The following TBC1D1 variants were observed in gnomAD, a reference collection of about 807,000 sequenced individuals.
TBC1D1 encodes TBC1 (tre-2/USP6, BUB2, cdc16) domain family, member 1.
In TBC1D1, 89 loss-of-function variants were observed where a neutral mutation model predicts 125.6. That is an observed-to-expected ratio of 0.71 (90% confidence interval 0.60 to 0.85). TBC1D1 has a LOEUF of 0.85. Among genes scored for constraint, TBC1D1 ranks in the 40% least tolerant of loss-of-function variants. TBC1D1 has a pLI of 0.00. For synonymous variants in TBC1D1, 565 were observed against 564.1 expected, an observed-to-expected ratio of 1.00 and a Z score of -0.02; for missense variants, 1,377 against 1,469.2, an observed-to-expected ratio of 0.94 and a Z score of 1.03.
intron 6 of TBC1D1, 138 bp from the exon 7 acceptor site, chr4:38,027,650 A>T: frequency 2.0e-6 from 1 of 511,866 alleles, no homozygotes. Flanking sequence ...AAAAAAATAA[A>T]ATATTTTTTT....
intron 15 of TBC1D1, 149 bp from the exon 18 acceptor site, chr4:38,115,561 G>GT (rs1342514251): frequency 6.8e-6 from 5 of 731,490 alleles, no homozygotes; most frequent in Non-Finnish European, 1.1e-5. Flanking sequence ...GGTGGACTTC[G>GT]TTTGCAGAGG....
Position 38,018,332 on chromosome 4 carries a change from ATTTT to A in TBC1D1, c.883-18_883-15del. 1 of 1,573,178 alleles carries A rather than the reference ATTTT, an allele frequency of 6.4e-7. No individual in the cohort carries two copies. The highest frequency in any genetic ancestry group is 8.7e-7 in the Non-Finnish European group (1 of 1,147,878). ...GAAATGAGAAAGTTTGAAAAGCTAG[ATTTT>A]TTTGTTTGTCTTTTAAGATTGGCCA... On this transcript the variant is annotated intron_variant, in intron 3 of 19. Coordinates refer to ENST00000261439, the MANE Select transcript of TBC1D1 (RefSeq NM_015173.4).
At chr4:38,093,240 A>G (rs1758725354) in intron 13 of TBC1D1, among the ~76,000 whole-genome samples, 1 of 152,168 alleles carries the variant, frequency 6.6e-6, no homozygotes, top group African/African-American at 2.4e-5. Context: ...TCTTTGGGAA[A>G]GAATTTAGAA....
At chr4:38,124,010 AT>A (rs1168886700) in intron 17 of TBC1D1, among the ~76,000 whole-genome samples, 1 of 152,194 alleles carries the variant, frequency 6.6e-6, no homozygotes, top group African/African-American at 2.4e-5. Flanking sequence ...ATTTGATGAA[AT>A]TTACAGCTTC....
rs187646995 is a variant in TBC1D1, at chr4:38,046,654, G to C, written c.1629+751G>C. 7.0e-3 allele frequency among the ~76,000 whole-genome samples: 1,071 copies of C among 152,132 alleles called. 8 individuals carry two copies. Among genetic ancestry groups the C allele is most frequent in the Non-Finnish European group, 7.9e-3 (534 of 67,994 alleles). On this transcript the variant is annotated intron_variant, in intron 10 of 19. Transcript: ENST00000261439. ...CCCCTTTCATTCTCCCCCACTTGTG[G>C]GGAAATTAAATTTCTGAAACTTTAT...
At chr4:38,119,989 A>C (rs79205210) in intron 17 of TBC1D1, 1 of 985,314 alleles carries the variant, frequency 1.0e-6, no homozygotes, top group African/African-American at 1.7e-5. Context: ...ATGGGTAAAA[A>C]GACGTTAACA....
At chr4:38,058,883 A>C (rs1337587433) in intron 12 of TBC1D1, among the ~76,000 whole-genome samples, 1 of 152,190 alleles carries the variant, frequency 6.6e-6, no homozygotes, top group East Asian at 1.9e-4. Context: ...AAGGGTGTTA[A>C]GTGAGTAAGG....
chr4:38,095,623 A>G (rs1041401666), intron 13 of TBC1D1, among the ~76,000 whole-genome samples: 3 of 152,148 alleles, frequency 2.0e-5, no homozygotes, highest in Admixed American at 6.5e-5. Context: ...TGTCCTGGGG[A>G]GGCTCATAGT....
At chr4:38,095,099 C>T (rs989053860) in intron 13 of TBC1D1, among the ~76,000 whole-genome samples, 30 of 151,870 alleles carry the variant, frequency 2.0e-4, no homozygotes, top group African/African-American at 6.5e-4. Flanking sequence ...CAACAGAGTA[C>T]GAGGGAAAAG....
At chr4:37,993,594 A>T (rs6858632) in intron 2 of TBC1D1, among the ~76,000 whole-genome samples, 49,843 of 132,446 alleles carry the variant, frequency 0.38, 9,167 homozygotes, top group African/African-American at 0.51. Context: ...TTATTTATTT[A>T]TTTTTGAGAT....
At chr4:38,112,844 G>C (rs1762418036) in intron 15 of TBC1D1, among the ~76,000 whole-genome samples, 1 of 152,230 alleles carries the variant, frequency 6.6e-6, no homozygotes, top group Non-Finnish European at 1.5e-5. Context: ...TGACCTGACT[G>C]TGGATGGCCT....
At chr4:38,135,892 A>G (rs543183455) in intron 19 of TBC1D1, among the ~76,000 whole-genome samples, 20 of 148,888 alleles carry the variant, frequency 1.3e-4, no homozygotes, top group African/African-American at 4.3e-4. Context: ...GTGTGTATAT[A>G]TGTGTGTGTG....
chr4:37,974,660 T>C (rs1474277919), intron 2 of TBC1D1, among the ~76,000 whole-genome samples: 1 of 152,166 alleles, frequency 6.6e-6, no homozygotes, highest in Non-Finnish European at 1.5e-5. Context: ...CGGGTTCCAG[T>C]GATTCTCCTG....
At chr4:38,090,991 G>A (rs1469679265) in intron 13 of TBC1D1, among the ~76,000 whole-genome samples, 1 of 152,194 alleles carries the variant, frequency 6.6e-6, no homozygotes, top group Non-Finnish European at 1.5e-5. Context: ...CCAACTCTGA[G>A]GAATAAGCTC....
intron 6 of TBC1D1, among the ~76,000 whole-genome samples, chr4:38,026,062 G>A (rs1745018364): frequency 7.0e-6 from 1 of 143,786 alleles, no homozygotes; most frequent in Non-Finnish European, 1.5e-5. Flanking sequence ...GTTTCTTCAG[G>A]TGGGCATTGA....
chr4:38,064,689 T>C (rs1361828784), intron 12 of TBC1D1, among the ~76,000 whole-genome samples: 37 of 151,080 alleles, frequency 2.4e-4, no homozygotes, highest in Non-Finnish European at 2.9e-5. Flanking sequence ...AGTGGTGCGA[T>C]CTCCGCTCAC....
At chr4:38,004,522 G>T (rs936112104) in intron 2 of TBC1D1, among the ~76,000 whole-genome samples, 49 of 152,104 alleles carry the variant, frequency 3.2e-4, no homozygotes, top group Non-Finnish European at 3.7e-4. Flanking sequence ...AAGAAATCTT[G>T]TACTTTCTTT....
At chr4:38,002,127 T>TAA (rs1739201965) in intron 2 of TBC1D1, among the ~76,000 whole-genome samples, 1 of 152,130 alleles carries the variant, frequency 6.6e-6, no homozygotes, top group Non-Finnish European at 1.5e-5. Context: ...GTGGGGTGTG[T>TAA]GATTGAGATG....
chr4:38,089,169 C>G (rs1010361081), intron 12 of TBC1D1, among the ~76,000 whole-genome samples: 1 of 152,134 alleles, frequency 6.6e-6, no homozygotes, highest in African/African-American at 2.4e-5. Context: ...TGCCGGTGTA[C>G]CTCCTTACTC....
Sources: gnomAD v4.1 joint callset for allele counts (sites outside exome capture counted in the v4.1 genomes callset) on GRCh38, gnomAD v4.1.1 for gene constraint, MANE v1.5 for transcripts, NCBI Gene and HGNC (gene_info 2026-07-23, HGNC 2026-07-21) for gene names.